Variants in FRY observed in about 807,000 individuals in gnomAD.
The protein encoded by FRY is FRY microtubule binding protein.
A neutral mutation model predicts 348.4 loss-of-function variants in FRY; 128 were observed. The observed-to-expected ratio is 0.37, with a 90% confidence interval of 0.32 to 0.43. FRY has a LOEUF of 0.43. Ranked by LOEUF, FRY falls within the 20% of genes least tolerant of loss-of-function variation. The pLI, the probability that FRY is intolerant of heterozygous loss-of-function variation, is 1.00. For synonymous variants in FRY, 1,370 were observed against 1,374.7 expected, an observed-to-expected ratio of 1.00 and a Z score of 0.08; for missense variants, 2,736 against 3,695.2, an observed-to-expected ratio of 0.74 and a Z score of 6.73.
chr13:32,228,505 A>C lies in FRY; in HGVS notation c.5256A>C (p.Ser1752=). 4 of 1,613,484 alleles carry C rather than the reference A, an allele frequency of 2.5e-6. No individual in the cohort carries two copies. The highest frequency in any genetic ancestry group is 3.4e-6 in the Non-Finnish European group (4 of 1,179,876). ...ACCAGTCATCCCCGGTGCCTGACTC[A>C]GGGCTTAGTTCAAGCTCCACCTCCT... The part of the protein sequence containing the change: ...REDQSSPVPD[S]GLSSSSTSSS... Residue 1752 remains serine (S), a synonymous_variant, in exon 40 of 61, where the codon TCA becomes TCC. Transcript: ENST00000542859.
chr13:32,188,108 A>G (rs1284830755), intron 28 of FRY, among the ~76,000 whole-genome samples: 2 of 152,294 alleles, frequency 1.3e-5, no homozygotes, highest in Admixed American at 6.5e-5. Flanking sequence ...AATGAAATGC[A>G]TAGCCTTAAA....
intron 1 of FRY, among the ~76,000 whole-genome samples, chr13:32,052,304 A>G (rs182379354): frequency 1.3e-5 from 2 of 152,350 alleles, no homozygotes; most frequent in East Asian, 1.9e-4. Context: ...ACATGCATTT[A>G]CTAATCCATA....
intron 55 of FRY, among the ~76,000 whole-genome samples, chr13:32,273,558 G>C (rs1344248911): frequency 6.6e-6 from 1 of 152,164 alleles, no homozygotes; most frequent in Non-Finnish European, 1.5e-5. Context: ...ATCCGGTGAT[G>C]AGGATTAATG....
intron 58 of FRY, among the ~76,000 whole-genome samples, chr13:32,286,834 GACTA>G (rs745754054): frequency 2.8e-5 from 4 of 140,640 alleles, no homozygotes; most frequent in East Asian, 5.0e-4. Context: ...CATTATTTTA[GACTA>G]ACTATTAGTT....
intron 11 of FRY, among the ~76,000 whole-genome samples, chr13:32,138,838 A>T (rs1438077454): frequency 6.6e-6 from 1 of 152,206 alleles, no homozygotes; most frequent in African/African-American, 2.4e-5. Context: ...TTAGAATTTC[A>T]TTGGAGGATA....
chr13:32,072,238 A>T (rs922457324), intron 1 of FRY, among the ~76,000 whole-genome samples: 9 of 152,264 alleles, frequency 5.9e-5, no homozygotes, highest in African/African-American at 1.9e-4. Context: ...ATTTCACATT[A>T]TCAGAATTTT....
intron 39 of FRY, among the ~76,000 whole-genome samples, chr13:32,227,782 C>G (rs1336828281): frequency 6.9e-6 from 1 of 144,974 alleles, no homozygotes; most frequent in African/African-American, 2.6e-5. Flanking sequence ...GACAGAGTCT[C>G]ACTCTGTCTC....
chr13:32,162,192 A>G (rs544374376), intron 17 of FRY, among the ~76,000 whole-genome samples: 1 of 152,228 alleles, frequency 6.6e-6, no homozygotes, highest in Non-Finnish European at 1.5e-5. Context: ...GGCGAATAAG[A>G]TGACAAAAAA....
chr13:32,125,746 G>A (rs905248501), intron 7 of FRY, among the ~76,000 whole-genome samples: 3 of 152,138 alleles, frequency 2.0e-5, no homozygotes, highest in African/African-American at 7.2e-5. Context: ...CAGAATGCAG[G>A]AAATAGAACC....
intron 35 of FRY, among the ~76,000 whole-genome samples, chr13:32,213,563 T>C (rs1884807442): frequency 1.3e-5 from 2 of 152,376 alleles, no homozygotes; most frequent in South Asian, 4.1e-4. Flanking sequence ...GATTATTAAT[T>C]AGCATGTTAC....
At chr13:32,271,511 C>G (rs1317652494) in intron 55 of FRY, among the ~76,000 whole-genome samples, 1 of 152,190 alleles carries the variant, frequency 6.6e-6, no homozygotes, top group Admixed American at 6.5e-5. Context: ...AGACTGGATC[C>G]TCTGGTGACA....
At position 32,297,688 on chromosome 13, in the gene FRY, T is replaced by C. The variant is rs1013175078; in HGVS notation, c.*2228T>C. On this transcript the variant is annotated 3_prime_UTR_variant, in exon 61 of 61. Transcript: ENST00000542859. ...TGGAGATGGGAAAAATTGTGTAGGA[T>C]GCAGCCCCACGCCAGCAGAGCCCAG... 2 of 152,210 alleles carry C rather than the reference T, an allele frequency of 1.3e-5. No homozygotes were observed. The highest frequency in any genetic ancestry group is 1.3e-4 in the Admixed American group (2 of 15,274). 9.4% of individuals were successfully genotyped at this position (152,210 alleles called of 1,614,324 possible).
At chr13:32,177,519 G>A (rs1882438773) in intron 20 of FRY, among the ~76,000 whole-genome samples, 1 of 152,068 alleles carries the variant, frequency 6.6e-6, no homozygotes, top group Non-Finnish European at 1.5e-5. Flanking sequence ...GCTTGAACCT[G>A]GGAGGCGGAG....
chr13:32,221,307 G>A (rs1885300400), intron 36 of FRY, among the ~76,000 whole-genome samples: 1 of 152,160 alleles, frequency 6.6e-6, no homozygotes, highest in Non-Finnish European at 1.5e-5. Flanking sequence ...GAAAAATTAT[G>A]TTATTATAAA....
rs778488471 is a variant in FRY at position 32,276,589 on chromosome 13, G to A, written c.8385+27G>A. Reference sequence around the variant, plus strand: ...TAAGCTTTTGTGTTTCTATGCATATGCAGTCAGTTAAAACCAAATGAACCC... The same window carrying A: ...TAAGCTTTTGTGTTTCTATGCATATACAGTCAGTTAAAACCAAATGAACCC... On this transcript the variant is annotated intron_variant, in intron 57 of 60. Coordinates refer to ENST00000542859, the MANE Select transcript of FRY (RefSeq NM_023037.3). 10 of 1,213,468 alleles carry A rather than the reference G, an allele frequency of 8.2e-6. No individual in the cohort carries two copies. The Admixed American group carries it at 8.4e-5, about 10-fold the overall frequency. The allele number at this position is 1,213,468 out of a possible 1,614,324, so 75.2% of individuals were successfully genotyped here. A position where few individuals can be genotyped will look rare whatever the true frequency, so the allele number is the denominator to read the frequency against.
chr13:32,136,298 C>T (rs975591930), intron 10 of FRY, among the ~76,000 whole-genome samples: 2 of 152,078 alleles, frequency 1.3e-5, no homozygotes, highest in African/African-American at 4.8e-5. Context: ...CACAGTAGCA[C>T]CTCTGTTTAT....
intron 16 of FRY, among the ~76,000 whole-genome samples, chr13:32,157,961 A>G (rs1467944558): frequency 1.3e-5 from 2 of 152,246 alleles, no homozygotes; most frequent in Non-Finnish European, 2.9e-5. Flanking sequence ...TTATAATTCT[A>G]TATTTTAAGA....
intron 4 of FRY, among the ~76,000 whole-genome samples, chr13:32,120,345 ATCTG>A (rs1878574097): frequency 6.6e-6 from 1 of 152,078 alleles, no homozygotes; most frequent in South Asian, 2.1e-4. Flanking sequence ...CAGTAATTTC[ATCTG>A]TCTTTGTTCA....
chr13:32,109,753 A>G (rs1877833629), intron 3 of FRY, among the ~76,000 whole-genome samples: 1 of 152,208 alleles, frequency 6.6e-6, no homozygotes, highest in Non-Finnish European at 1.5e-5. Flanking sequence ...TAAATCCGTT[A>G]TGCATACTGA....
Sources: gnomAD v4.1 joint callset for allele counts (sites outside exome capture counted in the v4.1 genomes callset) on GRCh38, gnomAD v4.1.1 for gene constraint, MANE v1.5 for transcripts, NCBI Gene and HGNC (gene_info 2026-07-23, HGNC 2026-07-21) for gene names.